Variants in PFKFB1 observed in about 807,000 individuals in gnomAD.
PFKFB1 encodes 6-phosphofructo-2-kinase/fructose-2,6-biphosphatase 1, also known as 6-phosphofructo-2-kinase/fructose-2,6-bisphosphatase 1.
In PFKFB1, 34 loss-of-function variants were observed where a neutral mutation model predicts 46.4. The observed-to-expected ratio is 0.73, with a 90% CI of 0.56 to 0.98. The LOEUF is 0.98. Among genes scored for constraint, PFKFB1 ranks in the 50% least tolerant of loss-of-function variants. PFKFB1 has a pLI of 0.00. For synonymous variants in PFKFB1, 119 were observed against 133.8 expected (o/e 0.89, Z 0.76); for missense variants, 393 against 376.3 (o/e 1.04, Z -0.37).
At chrX:54,991,668 T>A (rs1935246302) in intron 1 of PFKFB1, among the ~76,000 whole-genome samples, 1 of 109,726 alleles carries the variant, frequency 9.1e-6, no homozygotes, top group Non-Finnish European at 1.9e-5. Flanking sequence ...AAGGACAAGA[T>A]GAAGGGACTT....
rs1455491011 is a variant in PFKFB1, at chrX:54,937,601, T to C, written c.1222A>G (p.Ser408Gly). Residue 408 changes from serine (S) to glycine (G), a missense_variant, in exon 11 of 14, where the codon AGT (serine) becomes GGT (glycine). Physicochemically the swap from Ser to Gly is moderately conservative, Grantham distance 56. Transcript: ENST00000375006. Reference sequence around the variant, plus strand: ...GCAGAGATGAGGGTAGTACCTGAACTTTTATCCAGGAAATAGGCCAGGAGG... The same window carrying C: ...GCAGAGATGAGGGTAGTACCTGAACCTTTATCCAGGAAATAGGCCAGGAGG... ...RCLLAYFLDK[S>G]SDELPYLKCP... 1 of 1,209,962 alleles carries C rather than the reference T, an allele frequency of 8.3e-7. No homozygotes were observed.
intron 8 of PFKFB1, 72 bp downstream of exon 8, chrX:54,951,832 TG>T: frequency 1.1e-6 from 1 of 870,597 alleles, no homozygotes. Context: ...ACCCAGAATG[TG>T]GCCACCACTA....
intron 6 of PFKFB1, among the ~76,000 whole-genome samples, chrX:54,956,680 C>A (rs776878508): frequency 1.2e-4 from 13 of 110,761 alleles, no homozygotes; most frequent in Non-Finnish European, 2.1e-4. Context: ...TTTCTGAAGA[C>A]TGGCCTCTCC....
At position 54,963,325 on chromosome X, in the gene PFKFB1, G is replaced by C. The variant is rs1440115728; in HGVS notation, c.155C>G (p.Ala52Gly). Residue 52 changes from alanine to glycine, a missense_variant, in exon 2 of 14, where the codon GCT (alanine) becomes GGT (glycine). Coordinates refer to ENST00000375006, the MANE Select transcript of PFKFB1 (RefSeq NM_002625.4). ...TGTGGAGATATAGGTCTTGCCTCGA[G>C]CTGGTAAACCCACCATGATCACCAT... Reference protein sequence around the residue: ...PTMVIMVGLPARGKTYISTKL... With the variant: ...PTMVIMVGLPGRGKTYISTKL... 1.7e-6 allele frequency: 2 copies of C among 1,208,302 alleles called. No individual in the cohort carries two copies. The highest frequency in any genetic ancestry group is 2.2e-6 in the Non-Finnish European group (2 of 892,374).
chrX:54,963,773 T>A (rs1934391451), intron 1 of PFKFB1, among the ~76,000 whole-genome samples: 3 of 112,643 alleles, frequency 2.7e-5, no homozygotes, highest in Admixed American at 1.9e-4. Context: ...TGCAGAGTTT[T>A]CCTCCAGGAA....
At chrX:54,953,153 A>G in intron 7 of PFKFB1, among the ~76,000 whole-genome samples, 1 of 111,998 alleles carries the variant, frequency 8.9e-6, no homozygotes, top group South Asian at 3.7e-4. Flanking sequence ...TGGCCTGTAC[A>G]GAGTTCAGAG....
rs150160579 is a variant in PFKFB1 at position 54,937,658 on chromosome X, G to A, written c.1165C>T (p.Leu389=). Residue 389 remains leucine (L), a synonymous_variant, in exon 11 of 14, where the codon CTG becomes TTG. Transcript: ENST00000375006. ...ATGACAGCCTGGTGGCAGATCACCA[G>A]TACATTCTCCTGTCGTTCTAGCTCC... ...IMELERQENV[L]VICHQAVMRC... is the part of the protein sequence containing the mutation. The A allele has an allele frequency of 1.4e-5, 17 of 1,206,215 alleles. No individual in the cohort carries two copies. Among genetic ancestry groups the A allele is most frequent in the Non-Finnish European group, 1.9e-5 (17 of 891,516 alleles).
chrX:54,986,469 G>C (rs1370356324), intron 1 of PFKFB1, among the ~76,000 whole-genome samples: 1 of 111,569 alleles, frequency 9.0e-6, no homozygotes. Context: ...ATGACAAAAG[G>C]GTCAATCCAT....
intron 7 of PFKFB1, among the ~76,000 whole-genome samples, chrX:54,955,891 A>C (rs1024452593): frequency 2.7e-5 from 3 of 112,065 alleles, no homozygotes; most frequent in African/African-American, 9.7e-5. Flanking sequence ...CGCAACACCC[A>C]CAGGAGGGGG....
At chrX:54,985,111 G>A (rs1415416286) in intron 1 of PFKFB1, among the ~76,000 whole-genome samples, 2 of 110,894 alleles carry the variant, frequency 1.8e-5, no homozygotes, top group South Asian at 3.9e-4. Flanking sequence ...CAAGCCCAAG[G>A]ATGTTCTCAA....
chrX:54,968,730 A>G (rs1374881193), intron 1 of PFKFB1, among the ~76,000 whole-genome samples: 1 of 111,261 alleles, frequency 9.0e-6, no homozygotes, highest in Non-Finnish European at 1.9e-5. Flanking sequence ...TTGAATTTGT[A>G]ATTAAAAATC....
At chrX:54,940,143 C>T (rs1933566094) in intron 10 of PFKFB1, among the ~76,000 whole-genome samples, 1 of 112,096 alleles carries the variant, frequency 8.9e-6, no homozygotes, top group Non-Finnish European at 1.9e-5. Context: ...ACAAAAACCA[C>T]ATGATTATCT....
chrX:54,989,999 C>T (rs952778335), intron 1 of PFKFB1, among the ~76,000 whole-genome samples: 1 of 111,134 alleles, frequency 9.0e-6, no homozygotes, highest in Non-Finnish European at 1.9e-5. Flanking sequence ...TATGGCCATA[C>T]GATTGTGAAT....
intron 8 of PFKFB1, among the ~76,000 whole-genome samples, chrX:54,950,775 G>T (rs931835842): frequency 7.1e-5 from 8 of 112,573 alleles, no homozygotes; most frequent in African/African-American, 2.6e-4. Context: ...GAGGCTGTCA[G>T]TCTGGAGGTA....
chrX:54,980,262 C>T (rs930886037), intron 1 of PFKFB1, among the ~76,000 whole-genome samples: 6 of 111,200 alleles, frequency 5.4e-5, no homozygotes, highest in African/African-American at 2.0e-4. Context: ...ATTTATTACA[C>T]AGTAGTTGAC....
intron 1 of PFKFB1, among the ~76,000 whole-genome samples, chrX:54,966,013 G>T (rs1422078913): frequency 9.0e-6 from 1 of 110,580 alleles, no homozygotes; most frequent in Non-Finnish European, 1.9e-5. Flanking sequence ...GGAAACGAAA[G>T]CCAAATACAG....
At chrX:54,996,360 T>C (rs962866797), upstream of PFKFB1, among the ~76,000 whole-genome samples, 4 of 112,119 alleles carry the variant, frequency 3.6e-5, no homozygotes, top group Admixed American at 9.4e-5. Flanking sequence ...GAAACTGAGG[T>C]CTGGGGAGGG....
At chrX:54,956,344 TTAGAGACCATTGAG>T in intron 6 of PFKFB1, 70 bp from the exon 7 acceptor site, 1 of 1,143,853 alleles carries the variant, frequency 8.7e-7, no homozygotes. Context: ...GGAAGTTCCC[TTAGAGACCATTGAG>T]TACAAGATGC....
chrX:54,945,701 CGTGTGTGTGTGTGTGTGTGCGTGT>C (rs1933786427), intron 9 of PFKFB1, among the ~76,000 whole-genome samples, 158 bp from the exon 10 acceptor site: 1 of 101,751 alleles, frequency 9.8e-6, no homozygotes, highest in Non-Finnish European at 2.0e-5. Flanking sequence ...AGTGTGTATG[CGTGTGTGTGTGTGTGTGTGCGTGT>C]GTGTGTGTGT....
Sources: allele counts gnomAD v4.1 joint callset (sites outside exome capture counted in the v4.1 genomes callset), GRCh38; gene constraint gnomAD v4.1.1; transcripts MANE v1.5; gene names NCBI Gene and HGNC (gene_info 2026-07-23, HGNC 2026-07-21).